The following HECTD2 variants were observed in gnomAD, a reference collection of about 807,000 sequenced individuals.
HECTD2 encodes the protein HECT domain E3 ubiquitin protein ligase 2, also known as probable E3 ubiquitin-protein ligase HECTD2.
HECTD2 carries 35 observed loss-of-function variants against 103.2 expected under a neutral mutation model. The observed-to-expected ratio is 0.34, with a 90% CI of 0.26 to 0.45. HECTD2 has a LOEUF of 0.45. Ranked by LOEUF, HECTD2 falls within the 20% of genes least tolerant of loss-of-function variation. The pLI is 1.00. For missense variants in HECTD2, 596 were observed against 937.4 expected (o/e 0.64, Z 4.76); for synonymous variants, 281 against 329.9 (o/e 0.85, Z 1.61).
At chr10:91,484,483 C>T in intron 8 of HECTD2, 24 bp from the exon 9 acceptor site, 1 of 1,592,586 alleles carries the variant, frequency 6.3e-7, no homozygotes, top group Non-Finnish European at 8.5e-7. Context: ...ATTTTGATTG[C>T]AATTATTTTG....
chr10:91,487,575 C>A lies in HECTD2; in HGVS notation c.1095-107C>A, dbSNP rs751213426. On this transcript the variant is annotated intron_variant, in intron 10 of 20. Transcript: ENST00000298068. This position sits in a 1 kb window ranked among gnomAD's most constrained non-coding sequence, Gnocchi z 4.1. ...CATTTTGTATATGGTAAAACACAAT[C>A]CAAAAGTAATGTTTTATATTGCTAC... 7 of 770,490 alleles carry A rather than the reference C, an allele frequency of 9.1e-6. No homozygotes were observed. In the South Asian group the frequency reaches 9.7e-5, roughly 11 times the overall value. 47.7% of individuals were successfully genotyped at this position (770,490 alleles called of 1,614,324 possible). A position where few individuals can be genotyped will look rare whatever the true frequency, so the allele number is the denominator to read the frequency against.
At chr10:91,474,416 G>C (rs1273916498) in intron 5 of HECTD2, among the ~76,000 whole-genome samples, 1 of 152,100 alleles carries the variant, frequency 6.6e-6, no homozygotes, top group Non-Finnish European at 1.5e-5. Flanking sequence ...AGGGTATATA[G>C]AATATATACC....
chr10:91,459,980 A>G (rs1456164339), intron 2 of HECTD2, among the ~76,000 whole-genome samples: 1 of 152,144 alleles, frequency 6.6e-6, no homozygotes, highest in Non-Finnish European at 1.5e-5. Flanking sequence ...ATGTCCACAC[A>G]GTGACAAAAT....
chr10:91,488,789 A>C (rs901691959), intron 11 of HECTD2: 1 of 152,184 alleles, frequency 6.6e-6, no homozygotes, highest in African/African-American at 2.4e-5. Context: ...TCTTATACTG[A>C]ATATGGGAAT....
At chr10:91,503,723 C>T (rs960572368) in intron 20 of HECTD2, among the ~76,000 whole-genome samples, 1 of 152,188 alleles carries the variant, frequency 6.6e-6, no homozygotes, top group Non-Finnish European at 1.5e-5. Context: ...ATTGCCCAGG[C>T]TTGCTTAGGT....
Position 91,485,405 on chromosome 10 carries a change from T to C in HECTD2, c.1094+102T>C, listed in dbSNP as rs1846230900. The C allele has an allele frequency of 5.0e-6, 4 of 796,786 alleles. No individual in the cohort carries two copies. The South Asian group carries it at 7.2e-5, about 14-fold the overall frequency. 49.4% of individuals were successfully genotyped at this position (796,786 alleles called of 1,614,324 possible). On this transcript the variant is annotated intron_variant, in intron 10 of 20. Transcript: ENST00000298068. ...TGAAGTTTACACATACGTTTACATA[T>C]AAATGTATAAATATAGTTCAGATAG...
intron 12 of HECTD2, among the ~76,000 whole-genome samples, chr10:91,491,606 C>T (rs1279132389): frequency 1.3e-5 from 2 of 152,078 alleles, no homozygotes; most frequent in African/African-American, 4.8e-5. Flanking sequence ...TAGTATATAA[C>T]CTAGATTCCA....
At position 91,513,514 on chromosome 10, in the gene HECTD2, TAG is replaced by T. The variant is rs1847504415; in HGVS notation, c.*1133_*1134del. On this transcript the variant is annotated 3_prime_UTR_variant, in exon 21 of 21. Coordinates refer to ENST00000298068, the MANE Select transcript of HECTD2 (RefSeq NM_182765.6). Reference sequence around the variant, plus strand: ...TAATAAATTCAAAGTACCCTTTTTTTAGAGTTTCTAATAAAGTAGTATGTAAA... The same window carrying T: ...TAATAAATTCAAAGTACCCTTTTTTTAGTTTCTAATAAAGTAGTATGTAAA... The T allele has an allele frequency of 6.6e-6, 1 of 152,612 alleles. No individual in the cohort carries two copies. Among genetic ancestry groups the T allele is most frequent in the African/African-American group, 2.4e-5 (1 of 41,448 alleles). The allele number at this position is 152,612 out of a possible 1,614,324, so 9.5% of individuals were successfully genotyped here. A position where few individuals can be genotyped will look rare whatever the true frequency, so the allele number is the denominator to read the frequency against.
chr10:91,508,668 T>C (rs1847293990), intron 20 of HECTD2, among the ~76,000 whole-genome samples: 1 of 148,192 alleles, frequency 6.7e-6, no homozygotes, highest in Non-Finnish European at 1.5e-5. Flanking sequence ...ACTTTTACAC[T>C]GTTGGTGGGA....
At chr10:91,433,164 G>C (rs1392343058) in intron 2 of HECTD2, among the ~76,000 whole-genome samples, 1 of 151,918 alleles carries the variant, frequency 6.6e-6, no homozygotes, top group Non-Finnish European at 1.5e-5. Context: ...AGGTCAGAGT[G>C]GGTAACTTGG....
At chr10:91,454,919 A>G (rs974950125) in intron 2 of HECTD2, among the ~76,000 whole-genome samples, 2 of 152,108 alleles carry the variant, frequency 1.3e-5, no homozygotes, top group African/African-American at 2.4e-5. Flanking sequence ...TTATGGCTGC[A>G]TAGTATTCCA....
chr10:91,479,000 T>C (rs542671189), intron 6 of HECTD2, among the ~76,000 whole-genome samples: 1 of 152,218 alleles, frequency 6.6e-6, no homozygotes, highest in African/African-American at 2.4e-5. Flanking sequence ...GGCAGAGAAG[T>C]ATAAAGAAGA....
At chr10:91,423,756 A>T (rs1843447791) in intron 1 of HECTD2, among the ~76,000 whole-genome samples, 1 of 152,126 alleles carries the variant, frequency 6.6e-6, no homozygotes, top group African/African-American at 2.4e-5. Context: ...CTTTTATATT[A>T]ATTTCTTTAA....
chr10:91,427,768 G>A (rs1244502853), intron 2 of HECTD2, among the ~76,000 whole-genome samples: 2 of 151,918 alleles, frequency 1.3e-5, no homozygotes, highest in African/African-American at 4.8e-5. Context: ...AGATGAGTAG[G>A]TTGCGAAAAT....
chr10:91,509,283 AT>A (rs1479841980), intron 20 of HECTD2, among the ~76,000 whole-genome samples: 1 of 152,118 alleles, frequency 6.6e-6, no homozygotes, highest in Admixed American at 6.5e-5. Flanking sequence ...ATTAAAAAAA[AT>A]AAATTTAAAA....
intron 2 of HECTD2, among the ~76,000 whole-genome samples, chr10:91,458,022 C>CAAA (rs780908138): frequency 0.014 from 949 of 66,466 alleles, 10 homozygotes; most frequent in African/African-American, 0.049. Flanking sequence ...ATTGTCTATG[C>CAAA]AAAAAAAAAA....
At chr10:91,473,545 G>T (rs1457587338) in intron 5 of HECTD2, among the ~76,000 whole-genome samples, 1 of 152,094 alleles carries the variant, frequency 6.6e-6, no homozygotes, top group East Asian at 1.9e-4. Context: ...CACATCATGG[G>T]TTTGAACTGC....
intron 2 of HECTD2, among the ~76,000 whole-genome samples, chr10:91,444,913 A>G (rs1198164578): frequency 6.6e-6 from 1 of 152,236 alleles, no homozygotes; most frequent in Non-Finnish European, 1.5e-5. Context: ...ACTGATAAGC[A>G]GTAATCGTTT....
chr10:91,433,337 C>T lies in HECTD2; in HGVS notation c.268+7927C>T, dbSNP rs192942905. On this transcript the variant is annotated intron_variant, in intron 2 of 20. Coordinates refer to ENST00000298068, the MANE Select transcript of HECTD2 (RefSeq NM_182765.6). ...TCACTTTCACTCTCTTTTCTGTTAT[C>T]TCTTGTATTCTTTCCTGTGGTTTTT... Among the ~76,000 whole-genome samples the T allele has an allele frequency of 2.2e-4, 33 of 151,966 alleles. 1 individual carries two copies. The highest frequency in any genetic ancestry group is 8.5e-4 in the Admixed American group (13 of 15,236).
Sources: allele counts gnomAD v4.1 joint callset (sites outside exome capture counted in the v4.1 genomes callset), GRCh38; gene constraint gnomAD v4.1.1; non-coding constraint Gnocchi (gnomAD v3.1); transcripts MANE v1.5; gene names NCBI Gene and HGNC (gene_info 2026-07-23, HGNC 2026-07-21).